The following ESYT2 variants were observed in gnomAD, a reference collection of about 807,000 sequenced individuals.
The protein encoded by ESYT2 is extended synaptotagmin-2.
ESYT2 carries 54 observed loss-of-function variants against 107.2 expected under a neutral mutation model. The ratio of observed to expected loss-of-function variants is 0.50; its 90% confidence interval spans 0.40 to 0.63. The LOEUF (loss-of-function observed/expected upper bound fraction) is 0.63. Ranked by LOEUF, ESYT2 falls within the 30% of genes least tolerant of loss-of-function variation. The pLI, the probability that ESYT2 is intolerant of heterozygous loss-of-function variation, is 0.00. For missense variants in ESYT2, 1,020 were observed against 1,094.5 expected (o/e 0.93, Z 0.96); for synonymous variants, 491 against 434.1 (o/e 1.13, Z -1.63).
At chr7:158,779,264 C>T (rs992145593) in intron 6 of ESYT2, among the ~76,000 whole-genome samples, 27 of 152,052 alleles carry the variant, frequency 1.8e-4, no homozygotes, top group Non-Finnish European at 7.4e-5. Context: ...GCAAGAGAGC[C>T]AGGTGTAGTG....
chr7:158,743,726 C>G (rs763285336), intron 16 of ESYT2, 48 bp from the exon 17 acceptor site: 3 of 1,572,290 alleles, frequency 1.9e-6, no homozygotes, highest in Non-Finnish European at 2.6e-6. Flanking sequence ...ATCATGTCTG[C>G]AGAACCTTTC....
chr7:158,756,932 A>G (rs1056419481), intron 13 of ESYT2, among the ~76,000 whole-genome samples: 1 of 151,578 alleles, frequency 6.6e-6, no homozygotes, highest in Non-Finnish European at 1.5e-5. Context: ...AAAAAAAAAA[A>G]AAAAAAAGGA....
chr7:158,748,707 T>C (rs1251579740), intron 15 of ESYT2, among the ~76,000 whole-genome samples: 3 of 152,088 alleles, frequency 2.0e-5, no homozygotes, highest in Non-Finnish European at 2.9e-5. Flanking sequence ...TTCTTTCTTT[T>C]TTTTTTTATT....
chr7:158,760,651 G>A (rs768839813), intron 11 of ESYT2, among the ~76,000 whole-genome samples: 3 of 152,224 alleles, frequency 2.0e-5, no homozygotes, highest in Admixed American at 1.3e-4. Flanking sequence ...TACAGGGTAA[G>A]AGGTAATACA....
intron 13 of ESYT2, among the ~76,000 whole-genome samples, chr7:158,756,474 C>A (rs1837759661): frequency 6.6e-6 from 1 of 152,176 alleles, no homozygotes; most frequent in African/African-American, 2.4e-5. Flanking sequence ...CTGGGTAAAT[C>A]ATGTAAGTGA....
At chr7:158,776,505 T>C (rs1248200778) in intron 6 of ESYT2, among the ~76,000 whole-genome samples, 1 of 152,262 alleles carries the variant, frequency 6.6e-6, no homozygotes, top group East Asian at 1.9e-4. Context: ...AGATGGCTTC[T>C]TTCCGTGAAC....
At chr7:158,805,157 T>C (rs1339609409) in intron 1 of ESYT2, among the ~76,000 whole-genome samples, 1 of 152,186 alleles carries the variant, frequency 6.6e-6, no homozygotes, top group African/African-American at 2.4e-5. Flanking sequence ...GTGACTTAAA[T>C]ATAATTTGGT....
At position 158,756,916 on chromosome 7, in the gene ESYT2, A is replaced by T. The variant is rs1044781454; in HGVS notation, c.1419+2570T>A. On this transcript the variant is annotated intron_variant, in intron 13 of 22. Coordinates refer to ENST00000275418, the MANE Select transcript of ESYT2 (RefSeq NM_001367773.1). ...AAGAGCAAAACTCCATCTCAAATTA[A>T]AAAAAAAAAAAAAAAAAAAAAAAGG... is the stretch of plus-strand genomic sequence containing the variant. Among the ~76,000 whole-genome samples the T allele has an allele frequency of 6.9e-3, 761 of 110,682 alleles. 6 individuals carry two copies. Among genetic ancestry groups the T allele is most frequent in the African/African-American group, 0.028 (723 of 25,980 alleles). The allele number at this position is 110,682 out of a possible 152,430, so 72.6% of individuals were successfully genotyped here. A position where few individuals can be genotyped will look rare whatever the true frequency, so the allele number is the denominator to read the frequency against.
intron 21 of ESYT2, among the ~76,000 whole-genome samples, chr7:158,735,218 A>C (rs1473479529): frequency 1.3e-5 from 2 of 152,254 alleles, no homozygotes; most frequent in Admixed American, 6.5e-5. Context: ...AATAAAGCCA[A>C]AGAATTTTAG....
At chr7:158,772,552 G>C (rs1486738828) in intron 7 of ESYT2, among the ~76,000 whole-genome samples, 1 of 152,110 alleles carries the variant, frequency 6.6e-6, no homozygotes, top group African/African-American at 2.4e-5. Context: ...AAACGGTAAA[G>C]CCAGCAAAAG....
chr7:158,823,516 C>T (rs1380172913), intron 1 of ESYT2, among the ~76,000 whole-genome samples: 1 of 151,498 alleles, frequency 6.6e-6, no homozygotes, highest in Non-Finnish European at 1.5e-5. Context: ...TTAGTAGAGA[C>T]GGGGTCTCAC....
intron 2 of ESYT2, 60 bp from the exon 3 acceptor site, chr7:158,798,136 G>A (rs1839525529): frequency 6.3e-7 from 1 of 1,581,438 alleles, no homozygotes; most frequent in Non-Finnish European, 8.6e-7. Flanking sequence ...ACACACACGA[G>A]TGCTCGTGAG....
chr7:158,780,402 T>C (rs1838732132), intron 6 of ESYT2, among the ~76,000 whole-genome samples: 1 of 152,194 alleles, frequency 6.6e-6, no homozygotes, highest in Non-Finnish European at 1.5e-5. Context: ...CCTTTTACTT[T>C]TGAAGTTCTG....
intron 22 of ESYT2, 56 bp downstream of exon 22, chr7:158,734,366 G>A: frequency 6.2e-7 from 1 of 1,611,732 alleles, no homozygotes; most frequent in Non-Finnish European, 8.5e-7. Context: ...CCACTGGGCG[G>A]GGAAAGCGTT....
rs1163357040 is a variant in ESYT2 at position 158,788,012 on chromosome 7, TAAGG to T, written c.735_738del (p.Phe245LeufsTer6). ...AATAAATATTGACTTACTGGTTTCC[TAAGG>T]AAGAAGATAGACAAAGCTCCAACTA... On this transcript the variant is annotated frameshift_variant, in exon 6 of 23. Coordinates refer to ENST00000275418, the MANE Select transcript of ESYT2 (RefSeq NM_001367773.1). LOFTEE classifies it high-confidence loss of function. The T allele has an allele frequency of 6.2e-7, 1 of 1,612,844 alleles. No homozygotes were observed. The highest frequency in any genetic ancestry group is 2.2e-5 in the East Asian group (1 of 44,876).
chr7:158,825,161 C>T (rs1435661702), intron 1 of ESYT2, among the ~76,000 whole-genome samples: 7 of 152,078 alleles, frequency 4.6e-5, no homozygotes, highest in East Asian at 1.9e-4. Context: ...GACGTGGTGA[C>T]GGGCGCCTGT....
rs1216643365 is a variant in ESYT2, at chr7:158,731,071, TC to T, written c.*3135del. 2.6e-5 allele frequency: 4 copies of T among 152,174 alleles called. No homozygotes were observed. Among genetic ancestry groups the T allele is most frequent in the African/African-American group, 9.7e-5 (4 of 41,438 alleles). The allele number at this position is 152,174 out of a possible 1,614,324, so 9.4% of individuals were successfully genotyped here. A position where few individuals can be genotyped will look rare whatever the true frequency, so the allele number is the denominator to read the frequency against. On this transcript the variant is annotated 3_prime_UTR_variant, in exon 23 of 23. Transcript: ENST00000275418. ...AATTAGTTGAACAGAAAGGAGGTTCTCTACTTTTTAACCCCCATCCCCCACC... is the reference window on the plus strand; with the variant it reads ...AATTAGTTGAACAGAAAGGAGGTTCTTACTTTTTAACCCCCATCCCCCACC...
chr7:158,738,892 T>C (rs1378967710), intron 19 of ESYT2, 131 bp downstream of exon 19: 1 of 932,774 alleles, frequency 1.1e-6, no homozygotes, highest in Non-Finnish European at 1.6e-6. Flanking sequence ...CTCTAGAGGT[T>C]TAATTGCTTT....
intron 9 of ESYT2, among the ~76,000 whole-genome samples, chr7:158,763,547 G>A (rs181389625): frequency 1.8e-4 from 27 of 152,136 alleles, no homozygotes; most frequent in Admixed American, 1.0e-3. Context: ...CACCCACCTC[G>A]GCCTCCCAAA....
Sources: allele counts gnomAD v4.1 joint callset (sites outside exome capture counted in the v4.1 genomes callset), GRCh38; gene constraint gnomAD v4.1.1; transcripts MANE v1.5; gene names NCBI Gene and HGNC (gene_info 2026-07-23, HGNC 2026-07-21).